Variants in GRIN2A observed in about 807,000 individuals in gnomAD.
The protein encoded by GRIN2A is glutamate receptor ionotropic, NMDA 2A.
A neutral mutation model predicts 113.4 loss-of-function variants in GRIN2A; 22 were observed. That is an observed-to-expected ratio of 0.19 (90% CI 0.14 to 0.28). The LOEUF is 0.28. Among genes scored for constraint, GRIN2A ranks in the 10% least tolerant of loss-of-function variants. The pLI, the probability that GRIN2A is intolerant of heterozygous loss-of-function variation, is 1.00. For synonymous variants in GRIN2A, 827 were observed against 738.4 expected (o/e 1.12, Z -1.94); for missense variants, 1,502 against 1,887.0 (o/e 0.80, Z 3.78).
intron 11 of GRIN2A, among the ~76,000 whole-genome samples, chr16:9,793,647 C>T (rs1020524612): frequency 4.6e-5 from 7 of 152,096 alleles, no homozygotes; most frequent in East Asian, 3.9e-4. Context: ...TCTTGCCACA[C>T]GTGTTTTCTT....
At chr16:9,849,410 T>A (rs922454956) in intron 5 of GRIN2A, among the ~76,000 whole-genome samples, 8 of 151,900 alleles carry the variant, frequency 5.3e-5, no homozygotes, top group Non-Finnish European at 1.2e-4. Context: ...GTTAAAAACA[T>A]GTCTGTGGAG....
intron 2 of GRIN2A, among the ~76,000 whole-genome samples, chr16:10,040,956 C>T (rs1441472993): frequency 6.6e-6 from 1 of 152,226 alleles, no homozygotes. Context: ...TTTCTCTGTG[C>T]TTATCCTAAG....
At chr16:9,828,510 C>T (rs1295887335) in intron 9 of GRIN2A, among the ~76,000 whole-genome samples, 6 of 152,112 alleles carry the variant, frequency 3.9e-5, no homozygotes, top group Non-Finnish European at 5.9e-5. Context: ...GATATGTTAG[C>T]GAGGTTTTAT....
In GRIN2A at chr16:10,017,589, GT is replaced by G. The variant is rs371683043; in HGVS notation, c.415-79039del. Reference sequence around the variant, plus strand: ...TAACAGTTCCCAGCTATTGTGAGTTGTTGTGGGGGTTGTACAAAAGAACAAG... The same window carrying G: ...TAACAGTTCCCAGCTATTGTGAGTTGTGTGGGGGTTGTACAAAAGAACAAG... On this transcript the variant is annotated intron_variant, in intron 2 of 12. Coordinates refer to ENST00000330684, the MANE Select transcript of GRIN2A (RefSeq NM_001134407.3). 1.2e-3 allele frequency among the ~76,000 whole-genome samples: 190 copies of G among 152,250 alleles called. 2 individuals carry two copies. The highest frequency in any genetic ancestry group is 4.5e-3 in the African/African-American group (186 of 41,540).
intron 2 of GRIN2A, among the ~76,000 whole-genome samples, chr16:10,039,813 A>AGAGAGAGAGAGAGAGAGAGAGAGAGAG (rs1555469303): frequency 8.2e-5 from 6 of 73,576 alleles, no homozygotes; most frequent in Admixed American, 2.6e-4. Context: ...GGGGGGGAGA[A>AGAGAGAGAGAGAGAGAGAGAGAGAGAG]AGAGAGAGAG....
At chr16:9,813,607 TA>T (rs1325946212) in intron 10 of GRIN2A, among the ~76,000 whole-genome samples, 1 of 151,302 alleles carries the variant, frequency 6.6e-6, no homozygotes, top group East Asian at 1.9e-4. Context: ...TTTTCTACTT[TA>T]AAAAAAGTTT....
At chr16:9,773,739 G>A (rs552768798) in intron 11 of GRIN2A, among the ~76,000 whole-genome samples, 11 of 152,294 alleles carry the variant, frequency 7.2e-5, no homozygotes, top group Admixed American at 5.9e-4. Context: ...ACTTGCACCT[G>A]TTCTTCCTAT....
intron 11 of GRIN2A, among the ~76,000 whole-genome samples, chr16:9,791,859 C>G (rs530564043): frequency 2.6e-5 from 4 of 152,128 alleles, no homozygotes; most frequent in Non-Finnish European, 5.9e-5. Flanking sequence ...AGTGAGTTCT[C>G]CATTGACTTC....
chr16:9,854,869 G>A (rs1284172498), intron 4 of GRIN2A, among the ~76,000 whole-genome samples: 1 of 152,168 alleles, frequency 6.6e-6, no homozygotes, highest in Non-Finnish European at 1.5e-5. Flanking sequence ...ATCAGAGCAA[G>A]TGAAATCATA....
intron 2 of GRIN2A, among the ~76,000 whole-genome samples, chr16:10,003,035 T>G (rs577352744): frequency 6.6e-6 from 1 of 152,236 alleles, no homozygotes; most frequent in African/African-American, 2.4e-5. Context: ...TGAGTGAGTG[T>G]GTAGCAACTG....
intron 3 of GRIN2A, among the ~76,000 whole-genome samples, chr16:9,899,434 C>A (rs1181426843): frequency 2.4e-5 from 2 of 83,454 alleles, no homozygotes; most frequent in African/African-American, 1.2e-4. Context: ...GAGCAAAACT[C>A]CGTCTCAAAA....
At chr16:9,915,006 G>A (rs905018657) in intron 3 of GRIN2A, among the ~76,000 whole-genome samples, 1 of 127,770 alleles carries the variant, frequency 7.8e-6, no homozygotes, top group African/African-American at 3.0e-5. Flanking sequence ...GCGCGATCTC[G>A]TCTCACTGCA....
intron 2 of GRIN2A, among the ~76,000 whole-genome samples, chr16:9,985,040 G>A (rs945926957): frequency 1.7e-4 from 26 of 151,566 alleles, no homozygotes; most frequent in South Asian, 4.2e-4. Flanking sequence ...GCATGCATGC[G>A]TGCACACACA....
chr16:9,814,656 A>G (rs145250958), intron 10 of GRIN2A, among the ~76,000 whole-genome samples: 1,668 of 152,244 alleles, frequency 0.011, 13 homozygotes, highest in Non-Finnish European at 0.016. Flanking sequence ...TCCATTTCTC[A>G]ATAGTCAACT....
intron 2 of GRIN2A, among the ~76,000 whole-genome samples, chr16:9,986,459 AG>A (rs2045980636): frequency 1.3e-5 from 2 of 152,284 alleles, no homozygotes; most frequent in South Asian, 4.1e-4. Flanking sequence ...AATAACCAAA[AG>A]GCTCTTTTAA....
chr16:9,822,525 G>A, intron 9 of GRIN2A, 101 bp from the exon 10 acceptor site: 2 of 815,396 alleles, frequency 2.5e-6, no homozygotes, highest in African/African-American at 1.7e-5. Context: ...ATTTTGTCTG[G>A]TGTTAGGAGG....
chr16:10,062,365 C>G (rs1320796648), intron 2 of GRIN2A, among the ~76,000 whole-genome samples: 1 of 152,194 alleles, frequency 6.6e-6, no homozygotes, highest in African/African-American at 2.4e-5. Flanking sequence ...GACCTGTAGG[C>G]TGTAGATGGC....
chr16:9,777,214 G>A (rs1662995848), intron 11 of GRIN2A, among the ~76,000 whole-genome samples: 1 of 151,880 alleles, frequency 6.6e-6, no homozygotes, highest in African/African-American at 2.4e-5. Flanking sequence ...TTGTTTTAAA[G>A]ACAAATTTAA....
chr16:9,852,031 A>G (rs2042892081), intron 4 of GRIN2A, among the ~76,000 whole-genome samples: 1 of 152,246 alleles, frequency 6.6e-6, no homozygotes, highest in Non-Finnish European at 1.5e-5. Context: ...ATTTTATATT[A>G]TAACCTCAAT....
Sources: allele counts gnomAD v4.1 joint callset (sites outside exome capture counted in the v4.1 genomes callset), GRCh38; gene constraint gnomAD v4.1.1; transcripts MANE v1.5; gene names NCBI Gene and HGNC (gene_info 2026-07-23, HGNC 2026-07-21).